GRAMD1B: variants seen among roughly 807,000 people sequenced by gnomAD.
GRAMD1B encodes GRAM domain containing 1B.
In GRAMD1B, 37 loss-of-function variants were observed where a neutral mutation model predicts 99.7. The ratio of observed to expected loss-of-function variants is 0.37; its 90% CI spans 0.29 to 0.49. The LOEUF is 0.49. GRAMD1B is among the 20% of genes least tolerant of loss of function. The pLI is 0.98. For synonymous variants in GRAMD1B, 427 were observed against 387.6 expected (o/e 1.10, Z -1.19); for missense variants, 888 against 1,009.2 (o/e 0.88, Z 1.63).
intron 1 of GRAMD1B, among the ~76,000 whole-genome samples, chr11:123,475,281 C>T (rs927000344): frequency 6.6e-6 from 1 of 152,188 alleles, no homozygotes; most frequent in African/African-American, 2.4e-5. Flanking sequence ...TGCTTTGGCT[C>T]AGATTCCTGT....
At position 123,408,171 on chromosome 11, in the gene GRAMD1B, C is replaced by T. The variant is rs531541261; in HGVS notation, c.-176+49372C>T. 1.8e-3 allele frequency among the ~76,000 whole-genome samples: 275 copies of T among 152,312 alleles called. 4 individuals carry two copies. The highest frequency in any genetic ancestry group is 6.4e-3 in the African/African-American group (267 of 41,560). Reference sequence around the variant, plus strand: ...AGGAGTCACTGTCCCACTGTGTAAACTTGACGGAATAATCAGCTTTTGTGG... The same window carrying T: ...AGGAGTCACTGTCCCACTGTGTAAATTTGACGGAATAATCAGCTTTTGTGG... On this transcript the variant is annotated intron_variant, in intron 1 of 20. Coordinates refer to the GRAMD1B transcript ENST00000638157.
At chr11:123,535,239 T>TC (rs1943840265) in intron 2 of GRAMD1B, among the ~76,000 whole-genome samples, 2 of 129,948 alleles carry the variant, frequency 1.5e-5, no homozygotes, top group African/African-American at 5.5e-5. Flanking sequence ...AGCTTTCCAT[T>TC]TAAAAAAAAA....
intron 1 of GRAMD1B, among the ~76,000 whole-genome samples, chr11:123,465,153 G>A (rs1279903715): frequency 1.3e-5 from 2 of 152,144 alleles, no homozygotes; most frequent in African/African-American, 4.8e-5. Context: ...AATGTGTCAT[G>A]TGAGAAGAGA....
intron 1 of GRAMD1B, among the ~76,000 whole-genome samples, chr11:123,368,275 A>AAAAAAAAAAAAAAAAAAAAAAGAAAG (rs60644137): frequency 7.9e-6 from 1 of 127,110 alleles, no homozygotes. Context: ...AAAAAAAAAA[A>AAAAAAAAAAAAAAAAAAAAAAGAAAG]AAAGAAAGAA....
At chr11:123,446,645 CT>C (rs1269194451) in intron 1 of GRAMD1B, among the ~76,000 whole-genome samples, 1 of 152,108 alleles carries the variant, frequency 6.6e-6, no homozygotes, top group East Asian at 1.9e-4. Context: ...CTTAAAATGC[CT>C]TTTGCTTCAC....
At chr11:123,555,484 G>T (rs1946092206) in intron 2 of GRAMD1B, among the ~76,000 whole-genome samples, 1 of 152,100 alleles carries the variant, frequency 6.6e-6, no homozygotes, top group Non-Finnish European at 1.5e-5. Context: ...AAGTAGCTGG[G>T]ATTACAGATG....
rs1468918113 is a variant in GRAMD1B at position 123,510,640 on chromosome 11, C to T, written c.452+29747C>T. 1.3e-5 allele frequency among the ~76,000 whole-genome samples: 2 copies of T among 152,154 alleles called. No individual in the cohort carries two copies. The highest frequency in any genetic ancestry group is 4.8e-5 in the African/African-American group (2 of 41,426). ...TCTGCCTTTTCTCTCTGGATGGTGC[C>T]GCTGCTCCTTAGGCCAAGCAGAGAT... is the stretch of plus-strand genomic sequence containing the variant. On this transcript the variant is annotated intron_variant, in intron 2 of 19. Coordinates refer to ENST00000635736, the MANE Select transcript of GRAMD1B (RefSeq NM_001387025.1). The surrounding 1 kb of genome is among the most constrained non-coding windows in gnomAD (Gnocchi z 4.3).
chr11:123,627,370 GCCAGACCACTCTCTGCATGGA>G lies in GRAMD1B; in HGVS notation c.*4784_*4804del, dbSNP rs1955557742. On this transcript the variant is annotated 3_prime_UTR_variant, in exon 20 of 20. Transcript: ENST00000635736. ...ACATTTTCCTACCCTGCACTCAAGGGCCAGACCACTCTCTGCATGGACCAGACCATCTTCCCAAACCCATGG... is the reference window on the plus strand; with the variant it reads ...ACATTTTCCTACCCTGCACTCAAGGGCCAGACCATCTTCCCAAACCCATGG... 6.6e-6 allele frequency: 1 copy of G among 152,270 alleles called. No homozygotes were observed. The highest frequency in any genetic ancestry group is 2.1e-4 in the South Asian group (1 of 4,830). The allele number at this position is 152,270 out of a possible 1,614,324, so 9.4% of individuals were successfully genotyped here.
chr11:123,552,966 A>T (rs1456569787), intron 2 of GRAMD1B, among the ~76,000 whole-genome samples: 1 of 152,238 alleles, frequency 6.6e-6, no homozygotes, highest in Non-Finnish European at 1.5e-5. Context: ...TATGTTTTCT[A>T]AAGTTATTTA....
chr11:123,417,553 G>A (rs751275767), intron 1 of GRAMD1B, among the ~76,000 whole-genome samples: 17 of 152,132 alleles, frequency 1.1e-4, no homozygotes, highest in Non-Finnish European at 1.9e-4. Context: ...GAGAACATAA[G>A]CTCTGGCATC....
intron 3 of GRAMD1B, among the ~76,000 whole-genome samples, chr11:123,582,963 C>A (rs1225920987): frequency 6.6e-6 from 1 of 152,170 alleles, no homozygotes; most frequent in African/African-American, 2.4e-5. Flanking sequence ...AATCTAAGCT[C>A]CACCGAGAGA....
chr11:123,567,503 T>A (rs566326264), intron 2 of GRAMD1B, among the ~76,000 whole-genome samples: 2 of 152,352 alleles, frequency 1.3e-5, no homozygotes, highest in East Asian at 3.9e-4. Flanking sequence ...CTTGCTTTTT[T>A]CTCCTTGGCT....
At chr11:123,579,526 G>A (rs1307669344) in intron 3 of GRAMD1B, among the ~76,000 whole-genome samples, 4 of 152,170 alleles carry the variant, frequency 2.6e-5, no homozygotes, top group African/African-American at 9.7e-5. Context: ...GGGCTCCAGC[G>A]GCTCGGCAGG....
In GRAMD1B at chr11:123,622,526, C is replaced by A. The variant is rs1382909997; in HGVS notation, c.2565C>A (p.Asn855Lys). ...TGCAGATGAAGGACTCGCTCATCAA[C>A]CTTCAGAACGGCATCAGGTCCCGCG... ...LLDQMKDSLI[N>K]LQNGIRSRDY... The change falls in exon 20 of 20, where the codon AAC (asparagine) becomes AAA (lysine). Residue 855 changes from asparagine to lysine, a missense_variant. Physicochemically the swap from Asn to Lys is moderately conservative, Grantham distance 94. This residue lies in a region of GRAMD1B where 232 missense variants were observed against 261.7 expected (regional missense o/e 0.89). Coordinates refer to ENST00000635736, the MANE Select transcript of GRAMD1B (RefSeq NM_001387025.1). 6.4e-7 allele frequency: 1 copy of A among 1,556,054 alleles called. No individual in the cohort carries two copies. The highest frequency in any genetic ancestry group is 1.9e-5 in the Admixed American group (1 of 52,000).
At chr11:123,448,787 C>T (rs1055166475) in intron 1 of GRAMD1B, among the ~76,000 whole-genome samples, 2 of 152,328 alleles carry the variant, frequency 1.3e-5, no homozygotes, top group East Asian at 1.9e-4. Context: ...AGGCTTCTCT[C>T]CCTCCAAGCA....
At chr11:123,517,924 T>C (rs1323777603) in intron 2 of GRAMD1B, among the ~76,000 whole-genome samples, 1 of 152,180 alleles carries the variant, frequency 6.6e-6, no homozygotes, top group African/African-American at 2.4e-5. Context: ...GGAGAGAACC[T>C]GAGTTTATAA....
At chr11:123,589,444 G>A (rs1624020) in intron 4 of GRAMD1B, among the ~76,000 whole-genome samples, 151,391 of 151,470 alleles carry the variant, frequency 1, 75,656 homozygotes, top group Middle Eastern at 1. Flanking sequence ...TTAAATTAGC[G>A]TCTTTGGAAT....
intron 1 of GRAMD1B, among the ~76,000 whole-genome samples, chr11:123,468,248 C>T (rs954526202): frequency 3.3e-5 from 5 of 151,070 alleles, no homozygotes; most frequent in Non-Finnish European, 5.9e-5. Context: ...CTCAGCAAGG[C>T]GTCTTTCTGG....
At chr11:123,423,542 C>G (rs1163915449) in intron 1 of GRAMD1B, among the ~76,000 whole-genome samples, 1 of 152,188 alleles carries the variant, frequency 6.6e-6, no homozygotes, top group African/African-American at 2.4e-5. Flanking sequence ...TCCATTAATT[C>G]ATTCCCTAAC....
Sources: allele counts gnomAD v4.1 joint callset (sites outside exome capture counted in the v4.1 genomes callset), GRCh38; gene constraint gnomAD v4.1.1; regional missense constraint gnomAD v4.1.1; non-coding constraint Gnocchi (gnomAD v3.1); transcripts MANE v1.5; gene names NCBI Gene and HGNC (gene_info 2026-07-23, HGNC 2026-07-21).